Variants in DNAJC6 observed in about 807,000 individuals in gnomAD.
DNAJC6 encodes auxilin.
A neutral mutation model predicts 110.0 loss-of-function variants in DNAJC6; 34 were observed. That is an observed-to-expected ratio of 0.31 (90% CI 0.24 to 0.41). The LOEUF (loss-of-function observed/expected upper bound fraction) is 0.41, where lower values mean the gene tolerates loss of function less well. Ranked by LOEUF, DNAJC6 falls within the 10% of genes least tolerant of loss-of-function variation. The pLI, the probability that DNAJC6 is intolerant of heterozygous loss-of-function variation, is 1.00. For missense variants in DNAJC6, 1,031 were observed against 1,207.8 expected, an observed-to-expected ratio of 0.85 and a Z score of 2.17; for synonymous variants, 406 against 437.2, an observed-to-expected ratio of 0.93 and a Z score of 0.89.
intron 1 of DNAJC6, among the ~76,000 whole-genome samples, chr1:65,328,006 T>C (rs1645256226): frequency 6.6e-6 from 1 of 152,168 alleles, no homozygotes; most frequent in Non-Finnish European, 1.5e-5. Context: ...TGAGCCACCA[T>C]GCCCAGCTCA....
chr1:65,309,513 C>T (rs1315647105), upstream of DNAJC6: 5 of 1,055,002 alleles, frequency 4.7e-6, no homozygotes, highest in Non-Finnish European at 5.9e-6. Context: ...GGCCGCGTCT[C>T]CTTCCCTCCC....
rs576196992 is a variant in DNAJC6 at position 65,401,241 on chromosome 1, C to T, written c.2108-520C>T. Among the ~76,000 whole-genome samples, 5 of 152,234 alleles carry T rather than the reference C, an allele frequency of 3.3e-5. No homozygotes were observed. In the South Asian group the frequency reaches 8.3e-4, roughly 25 times the overall value. ...GGTGAGAGATAAGAGTCTTTTTACC[C>T]TGTTGCCTTCTTATTCTGTTGATTG... On this transcript the variant is annotated intron_variant, in intron 14 of 18. Coordinates refer to ENST00000371069, the MANE Select transcript of DNAJC6 (RefSeq NM_001256864.2).
chr1:65,305,091 T>TA (rs1303188646), upstream of DNAJC6, among the ~76,000 whole-genome samples: 2 of 152,236 alleles, frequency 1.3e-5, no homozygotes, highest in Non-Finnish European at 2.9e-5. Flanking sequence ...TTATGTTTGT[T>TA]AAAACAGAAA....
intron 4 of DNAJC6, among the ~76,000 whole-genome samples, chr1:65,373,343 A>G (rs1570342393): frequency 6.6e-6 from 1 of 152,048 alleles, no homozygotes; most frequent in Non-Finnish European, 1.5e-5. Context: ...TTGCTGGGTC[A>G]TATGGAACCT....
intron 1 of DNAJC6, among the ~76,000 whole-genome samples, chr1:65,343,785 A>G (rs1437197192): frequency 6.6e-6 from 1 of 152,120 alleles, no homozygotes. Context: ...GTATAGATCT[A>G]TGGTAAGAGT....
chr1:65,376,924 C>A (rs1645772109), intron 4 of DNAJC6, among the ~76,000 whole-genome samples: 1 of 152,142 alleles, frequency 6.6e-6, no homozygotes, highest in Non-Finnish European at 1.5e-5. Flanking sequence ...TGCCTGGCAC[C>A]ATGCCCAGCT....
chr1:65,311,215 GTTTTTTT>G lies in DNAJC6; in HGVS notation c.193+1298_193+1304del, dbSNP rs71056098. On this transcript the variant is annotated intron_variant, in intron 1 of 18. Coordinates refer to ENST00000371069, the MANE Select transcript of DNAJC6 (RefSeq NM_001256864.2). ...CCAAGGGATTGATGGTTTCAGGACT[GTTTTTTT>G]TTTTTTTTTTTTTTTTTTTTGAGGC... Among the ~76,000 whole-genome samples the G allele has an allele frequency of 2.9e-3, 200 of 68,882 alleles. No homozygotes were observed. The East Asian group carries it at 0.075, about 26-fold the overall frequency. The allele number at this position is 68,882 out of a possible 152,430, so 45.2% of individuals were successfully genotyped here.
In DNAJC6 at chr1:65,384,327, G is replaced by A; in HGVS notation, c.800+1G>A. ...TTGGACTTTCACCATCCCATAGGAG[G>A]TAAAGTAAGCTAGATGCAGGCTAGG... is the stretch of plus-strand genomic sequence containing the variant. On this transcript the variant is annotated splice_donor_variant, in intron 6 of 18. Coordinates refer to ENST00000371069, the MANE Select transcript of DNAJC6 (RefSeq NM_001256864.2). LOFTEE classifies it high-confidence loss of function. 1.3e-6 allele frequency: 2 copies of A among 1,549,982 alleles called. No homozygotes were observed. The highest frequency in any genetic ancestry group is 1.7e-6 in the Non-Finnish European group (2 of 1,152,350).
chr1:65,357,953 C>A (rs552106665), intron 1 of DNAJC6, among the ~76,000 whole-genome samples: 1 of 151,960 alleles, frequency 6.6e-6, no homozygotes, highest in African/African-American at 2.4e-5. Flanking sequence ...CCGAGGCTGG[C>A]GGATCACTTT....
intron 6 of DNAJC6, 54 bp downstream of exon 6, chr1:65,384,380 T>C (rs1645850994): frequency 7.2e-7 from 1 of 1,394,872 alleles, no homozygotes; most frequent in Non-Finnish European, 9.3e-7. Flanking sequence ...TGGTATCATG[T>C]ACTGTTTTAA....
intron 1 of DNAJC6, among the ~76,000 whole-genome samples, chr1:65,330,449 A>G (rs184281971): frequency 3.2e-4 from 48 of 152,178 alleles, no homozygotes; most frequent in Admixed American, 2.8e-3. Flanking sequence ...AAGCAGATGA[A>G]AGTCTATTTC....
intron 4 of DNAJC6, among the ~76,000 whole-genome samples, chr1:65,371,728 T>C (rs1645708250): frequency 6.6e-6 from 1 of 152,134 alleles, no homozygotes; most frequent in Admixed American, 6.6e-5. Flanking sequence ...CTGGGTGGTA[T>C]CATGGCAGTG....
intron 1 of DNAJC6, among the ~76,000 whole-genome samples, chr1:65,337,986 G>A (rs942792043): frequency 4.6e-5 from 7 of 152,062 alleles, no homozygotes; most frequent in Admixed American, 2.6e-4. Flanking sequence ...TTGCTTTCTG[G>A]TATCACCAGA....
At chr1:65,327,173 A>G (rs574008042) in intron 1 of DNAJC6, among the ~76,000 whole-genome samples, 95 of 152,318 alleles carry the variant, frequency 6.2e-4, no homozygotes, top group African/African-American at 2.2e-3. Flanking sequence ...GGGGGAGGAC[A>G]TTCCAAACTA....
intron 1 of DNAJC6, among the ~76,000 whole-genome samples, chr1:65,270,124 C>T (rs1369106617): frequency 6.6e-6 from 1 of 152,126 alleles, no homozygotes; most frequent in African/African-American, 2.4e-5. Context: ...GTTTTAGACA[C>T]CAGTACAACA....
intron 1 of DNAJC6, among the ~76,000 whole-genome samples, chr1:65,312,978 T>G (rs1645115209): frequency 6.6e-6 from 1 of 152,090 alleles, no homozygotes; most frequent in South Asian, 2.1e-4. Flanking sequence ...TTTTGTATTT[T>G]TAGTAGAGAC....
intron 1 of DNAJC6, among the ~76,000 whole-genome samples, chr1:65,323,599 T>G (rs1645215394): frequency 6.6e-6 from 1 of 152,072 alleles, no homozygotes; most frequent in Non-Finnish European, 1.5e-5. Flanking sequence ...TCCTTTGTTT[T>G]CTTTTCTTTT....
chr1:65,300,523 A>G (rs1170971959), intron 1 of DNAJC6, among the ~76,000 whole-genome samples: 1 of 152,202 alleles, frequency 6.6e-6, no homozygotes, highest in Non-Finnish European at 1.5e-5. Context: ...AGACTGAAAA[A>G]TATTTATACT....
chr1:65,295,683 T>C (rs1644922099), intron 1 of DNAJC6, among the ~76,000 whole-genome samples: 1 of 152,050 alleles, frequency 6.6e-6, no homozygotes, highest in African/African-American at 2.4e-5. Flanking sequence ...AGTTCAAATA[T>C]CCAGGCTGGA....
Sources: allele counts gnomAD v4.1 joint callset (sites outside exome capture counted in the v4.1 genomes callset), GRCh38; gene constraint gnomAD v4.1.1; transcripts MANE v1.5; gene names NCBI Gene and HGNC (gene_info 2026-07-23, HGNC 2026-07-21).